PTPRM: variants seen among roughly 807,000 people sequenced by gnomAD.
The protein encoded by PTPRM is protein tyrosine phosphatase receptor type M, also known as receptor-type tyrosine-protein phosphatase mu.
In PTPRM, 47 loss-of-function variants were observed where a neutral mutation model predicts 186.7. The observed-to-expected ratio is 0.25, with a 90% CI of 0.20 to 0.32. The LOEUF (loss-of-function observed/expected upper bound fraction) is 0.32. PTPRM is among the 10% of genes least tolerant of loss of function. The probability of loss-of-function intolerance (pLI) is 1.00; values close to 1 mark genes in which losing one functional copy is unlikely to be tolerated. For synonymous variants in PTPRM, 668 were observed against 674.9 expected, an observed-to-expected ratio of 0.99 and a Z score of 0.16; for missense variants, 1,494 against 1,865.0, an observed-to-expected ratio of 0.80 and a Z score of 3.66.
At chr18:8,309,606 T>G (rs1177895119) in intron 20 of PTPRM, among the ~76,000 whole-genome samples, 1 of 152,192 alleles carries the variant, frequency 6.6e-6, no homozygotes, top group Non-Finnish European at 1.5e-5. Flanking sequence ...CAAACCACTA[T>G]GCTCAAGGGA....
At chr18:8,289,565 T>TATATATATACATATATATATACAC (rs1199950221) in intron 19 of PTPRM, among the ~76,000 whole-genome samples, 985 of 96,590 alleles carry the variant, frequency 0.01, 79 homozygotes, top group African/African-American at 0.062. Context: ...TATATACACA[T>TATATATATACATATATATATACAC]ATATATATAT....
In PTPRM at chr18:7,949,228, C is replaced by T. The variant is rs1356465831; in HGVS notation, c.711C>T (p.Ser237=). Reference sequence around the variant, plus strand: ...CTCTGAAGGAAATCAAGGTGACCAGCTCCCGACGCTTCATTGCTTCATTTA... The same window carrying T: ...CTCTGAAGGAAATCAAGGTGACCAGTTCCCGACGCTTCATTGCTTCATTTA... ...DAPLKEIKVT[S]SRRFIASFNV... The change falls in exon 6 of 33, where the codon AGC becomes AGT. Residue 237 remains serine, a synonymous_variant. Transcript: ENST00000580170. 2 of 1,611,252 alleles carry T rather than the reference C, an allele frequency of 1.2e-6. No individual in the cohort carries two copies. The highest frequency in any genetic ancestry group is 4.5e-5 in the East Asian group (2 of 44,900).
At chr18:7,608,776 T>C (rs919847809) in intron 1 of PTPRM, among the ~76,000 whole-genome samples, 4 of 152,158 alleles carry the variant, frequency 2.6e-5, no homozygotes, top group African/African-American at 9.7e-5. Context: ...TTCGGGAAGC[T>C]GGAGAATTAG....
intron 19 of PTPRM, among the ~76,000 whole-genome samples, chr18:8,295,381 G>A (rs1205152853): frequency 6.6e-6 from 1 of 151,054 alleles, no homozygotes; most frequent in Non-Finnish European, 1.5e-5. Context: ...AGACCGGGGA[G>A]GAAGGAAGAG....
chr18:7,919,972 A>G (rs1369043218), intron 4 of PTPRM, among the ~76,000 whole-genome samples: 2 of 151,934 alleles, frequency 1.3e-5, no homozygotes, highest in Non-Finnish European at 2.9e-5. Flanking sequence ...TTTGATTTGC[A>G]CCCTATTTTA....
At chr18:8,319,615 G>A (rs1379812757) in intron 22 of PTPRM, among the ~76,000 whole-genome samples, 2 of 152,214 alleles carry the variant, frequency 1.3e-5, no homozygotes, top group Non-Finnish European at 2.9e-5. Flanking sequence ...GTGTTTAGTG[G>A]GGAAGATGTG....
chr18:8,342,255 G>A (rs908308081), intron 22 of PTPRM, among the ~76,000 whole-genome samples: 6 of 152,160 alleles, frequency 3.9e-5, no homozygotes, highest in Non-Finnish European at 5.9e-5. Context: ...AATAAACATC[G>A]TTAAATGCAT....
At chr18:7,676,429 T>C (rs1423491027) in intron 1 of PTPRM, among the ~76,000 whole-genome samples, 1 of 152,178 alleles carries the variant, frequency 6.6e-6, no homozygotes, top group South Asian at 2.1e-4. Flanking sequence ...GCCTGACTTA[T>C]ACTGTGTTCA....
At chr18:7,886,134 A>G (rs2048772875) in intron 2 of PTPRM, among the ~76,000 whole-genome samples, 1 of 152,200 alleles carries the variant, frequency 6.6e-6, no homozygotes, top group Non-Finnish European at 1.5e-5. Flanking sequence ...CAGTAAGGAT[A>G]TATGTGGTAA....
At chr18:8,225,792 TG>T (rs1267489740) in intron 14 of PTPRM, among the ~76,000 whole-genome samples, 1 of 152,174 alleles carries the variant, frequency 6.6e-6, no homozygotes, top group Non-Finnish European at 1.5e-5. Flanking sequence ...TTGATACATT[TG>T]AGTATATCAA....
At chr18:8,144,085 T>G (rs2092825113) in intron 14 of PTPRM, among the ~76,000 whole-genome samples, 1 of 152,174 alleles carries the variant, frequency 6.6e-6, no homozygotes. Flanking sequence ...CCAGGAAATG[T>G]TTAGTACTGA....
intron 7 of PTPRM, among the ~76,000 whole-genome samples, chr18:7,977,866 C>T (rs1479246875): frequency 6.6e-6 from 1 of 152,168 alleles, no homozygotes; most frequent in Non-Finnish European, 1.5e-5. Context: ...CAGGCAAACT[C>T]GTAGGCTTGA....
chr18:8,197,340 T>C (rs1448564376), intron 14 of PTPRM, among the ~76,000 whole-genome samples: 10 of 152,230 alleles, frequency 6.6e-5, no homozygotes, highest in African/African-American at 2.4e-4. Flanking sequence ...TGAAGCATTA[T>C]TGATAATCAC....
chr18:7,610,362 C>T (rs1054955578), intron 1 of PTPRM, among the ~76,000 whole-genome samples: 2 of 152,022 alleles, frequency 1.3e-5, no homozygotes, highest in Non-Finnish European at 2.9e-5. Context: ...TTATGAAAGT[C>T]CGTTTTAGAA....
At chr18:7,816,587 GTTC>G (rs926618667) in intron 2 of PTPRM, among the ~76,000 whole-genome samples, 4 of 152,176 alleles carry the variant, frequency 2.6e-5, no homozygotes, top group Admixed American at 6.5e-5. Flanking sequence ...TCATGAACAA[GTTC>G]TTCTTTAACA....
Position 7,568,262 on chromosome 18 carries a change from G to C in PTPRM, c.73+371G>C, listed in dbSNP as rs1567958473. The stretch of plus-strand genomic sequence containing the variant: ...ACTTTGCTTGAAGTTCCCAGTTGCA[G>C]CCGCCGGGCCGCCTGGCGTAGGCGC... On this transcript the variant is annotated intron_variant, in intron 1 of 32. Transcript: ENST00000580170. This position sits in a 1 kb window ranked among gnomAD's most constrained non-coding sequence, Gnocchi z 5.1. Among the ~76,000 whole-genome samples the C allele has an allele frequency of 6.6e-6, 1 of 151,778 alleles. No individual in the cohort carries two copies. The highest frequency in any genetic ancestry group is 2.4e-5 in the African/African-American group (1 of 41,406).
chr18:7,863,948 C>A (rs1294239747), intron 2 of PTPRM, among the ~76,000 whole-genome samples: 1 of 152,148 alleles, frequency 6.6e-6, no homozygotes, highest in African/African-American at 2.4e-5. Context: ...CTCTAATGAC[C>A]AGTGGTGATG....
intron 7 of PTPRM, among the ~76,000 whole-genome samples, chr18:7,994,793 A>G (rs1041639554): frequency 2.6e-5 from 4 of 152,154 alleles, no homozygotes; most frequent in African/African-American, 2.4e-5. Context: ...GAAAGACAAC[A>G]TACCAAAACC....
At chr18:8,300,922 A>G (rs1022367054) in intron 20 of PTPRM, among the ~76,000 whole-genome samples, 2 of 152,072 alleles carry the variant, frequency 1.3e-5, no homozygotes, top group African/African-American at 2.4e-5. Flanking sequence ...ACCCACACAC[A>G]CATAATGACC....
Sources: allele counts gnomAD v4.1 joint callset (sites outside exome capture counted in the v4.1 genomes callset), GRCh38; gene constraint gnomAD v4.1.1; non-coding constraint Gnocchi (gnomAD v3.1); transcripts MANE v1.5; gene names NCBI Gene and HGNC (gene_info 2026-07-23, HGNC 2026-07-21).